The following CAMKK1 variants were observed in gnomAD, a reference collection of about 807,000 sequenced individuals.
CAMKK1 encodes calcium/calmodulin-dependent protein kinase kinase 1.
Under a neutral mutation model 63.5 loss-of-function variants are expected in CAMKK1, and 20 were observed. That is an observed-to-expected ratio of 0.32 (90% confidence interval 0.22 to 0.46). The LOEUF (loss-of-function observed/expected upper bound fraction) is 0.46, where lower values mean the gene tolerates loss of function less well. CAMKK1 is among the 20% of genes least tolerant of loss of function. The probability of loss-of-function intolerance (pLI) is 1.00; values close to 1 mark genes in which losing one functional copy is unlikely to be tolerated. For missense variants in CAMKK1, 588 were observed against 658.1 expected (o/e 0.89, Z 1.17); for synonymous variants, 253 against 269.0 (o/e 0.94, Z 0.58).
chr17:3,873,259 G>T, intron 11 of CAMKK1, 150 bp downstream of exon 11: 1 of 727,178 alleles, frequency 1.4e-6, no homozygotes, highest in Non-Finnish European at 2.4e-6. Flanking sequence ...ACCAGAGAAA[G>T]ATAGAAAAAG....
At position 3,876,236 on chromosome 17, in the gene CAMKK1, C is replaced by T; in HGVS notation, c.983G>A (p.Ser328Asn). Residue 328 changes from serine (S) to asparagine (N), a missense_variant, in exon 10 of 16, where the codon AGC (serine) becomes AAC (asparagine). By Grantham distance (46) the Ser-to-Asn change is conservative. This residue lies in a region of CAMKK1 where 226 missense variants were observed against 229.2 expected (regional missense o/e 0.99). Transcript: ENST00000348335. ...CCTGCGAGTCACCTTCCCACTGAAGCTCTGGCCGGAATCAGAAATGGCCTC... is the reference window on the plus strand; with the variant it reads ...CCTGCGAGTCACCTTCCCACTGAAGTTCTGGCCGGAATCAGAAATGGCCTC... ...APEAISDSGQ[S>N]FSGKALDVWA... The T allele has an allele frequency of 6.2e-7, 1 of 1,614,150 alleles. No individual in the cohort carries two copies. The highest frequency in any genetic ancestry group is 8.5e-7 in the Non-Finnish European group (1 of 1,180,012).
Position 3,861,948 on chromosome 17 carries a change from C to A in CAMKK1, c.*263G>T. 2.0e-6 allele frequency: 1 copy of A among 490,146 alleles called. No homozygotes were observed. Among genetic ancestry groups the A allele is most frequent in the Non-Finnish European group, 3.7e-6 (1 of 270,960 alleles). The allele number at this position is 490,146 out of a possible 1,614,324, so 30.4% of individuals were successfully genotyped here. ...GAGGCTCCATGGGCACCCGGTTTCC[C>A]CACAGAATGGGTCAGGCCAAGGAGG... On this transcript the variant is annotated 3_prime_UTR_variant, in exon 16 of 16. Coordinates refer to ENST00000348335, the MANE Select transcript of CAMKK1 (RefSeq NM_032294.3).
chr17:3,864,305 G>A (rs1201641832), intron 15 of CAMKK1, among the ~76,000 whole-genome samples: 1 of 151,684 alleles, frequency 6.6e-6, no homozygotes, highest in African/African-American at 2.4e-5. Context: ...GGAGTGCAGT[G>A]GCGTGACCTT....
In CAMKK1 at chr17:3,884,996, G is replaced by A. The variant is rs535349908; in HGVS notation, c.360+332C>T. ...GACTCTAAGAGGCAGAATTAGAGGC[G>A]AGGGGTGCAAGCTGGAGAAGAGTTA... On this transcript the variant is annotated intron_variant, in intron 2 of 15. Transcript: ENST00000348335. This position sits in a 1 kb window ranked among gnomAD's most constrained non-coding sequence, Gnocchi z 4.5. Among the ~76,000 whole-genome samples, 101 of 152,326 alleles carry A rather than the reference G, an allele frequency of 6.6e-4. No homozygotes were observed. Among genetic ancestry groups the A allele is most frequent in the African/African-American group, 2.3e-3 (94 of 41,558 alleles).
chr17:3,880,567 A>C (rs567832324), intron 8 of CAMKK1, 133 bp from the exon 9 acceptor site: 1 of 646,188 alleles, frequency 1.5e-6, no homozygotes, highest in East Asian at 2.8e-5. Flanking sequence ...TTTCTGCTAC[A>C]TAATAAAAAA....
In CAMKK1 at chr17:3,890,574, C is replaced by G; in HGVS notation, c.-44+2365G>C. 1 of 761,378 alleles carries G rather than the reference C, an allele frequency of 1.3e-6. No homozygotes were observed. Among genetic ancestry groups the G allele is most frequent in the Admixed American group, 1.7e-5 (1 of 58,216 alleles). The allele number at this position is 761,378 out of a possible 1,614,324, so 47.2% of individuals were successfully genotyped here. On this transcript the variant is annotated intron_variant, in intron 1 of 15. Transcript: ENST00000348335. This position sits in a 1 kb window ranked among gnomAD's most constrained non-coding sequence, Gnocchi z 6.5. ...TGCTCGTCCTCCTCTGTCTCCATTG[C>G]GAGACGGGTACCACACCCTCCCCAT...
rs2055852005 is a variant in CAMKK1, at chr17:3,890,394, G to A, written c.-44+2545C>T. On this transcript the variant is annotated intron_variant, in intron 1 of 15. Transcript: ENST00000348335. The surrounding 1 kb of genome is among the most constrained non-coding windows in gnomAD (Gnocchi z 6.5). ...CCTGGCCCACCCACGGAGGCTGATGGTCTCCAGGCCTCATCCTCTGCCCCT... is the reference window on the plus strand; with the variant it reads ...CCTGGCCCACCCACGGAGGCTGATGATCTCCAGGCCTCATCCTCTGCCCCT... Among the ~76,000 whole-genome samples, 1 of 152,094 alleles carries A rather than the reference G, an allele frequency of 6.6e-6. No individual in the cohort carries two copies. Among genetic ancestry groups the A allele is most frequent in the African/African-American group, 2.4e-5 (1 of 41,404 alleles).
At chr17:3,871,341 T>TTG (rs2054846379) in intron 12 of CAMKK1, among the ~76,000 whole-genome samples, 1 of 82,104 alleles carries the variant, frequency 1.2e-5, no homozygotes, top group African/African-American at 6.4e-5. Context: ...TTGTTTTTTT[T>TTG]TTTTTGTTTT....
intron 15 of CAMKK1, among the ~76,000 whole-genome samples, chr17:3,863,253 T>C (rs559259796): frequency 7.2e-5 from 11 of 152,270 alleles, no homozygotes; most frequent in African/African-American, 2.4e-4. Context: ...CCCAGCACTT[T>C]GGGAGGCTGA....
rs897632665 is a variant in CAMKK1 at position 3,892,117 on chromosome 17, C to T, written c.-44+822G>A. ...GTGTGCCCCTCCCACACTCCTGTGC[C>T]CGCCCTGCGGACACCACCAAGGCCC... On this transcript the variant is annotated intron_variant, in intron 1 of 15. Coordinates refer to ENST00000348335, the MANE Select transcript of CAMKK1 (RefSeq NM_032294.3). The surrounding 1 kb of genome is among the most constrained non-coding windows in gnomAD (Gnocchi z 7.5). Among the ~76,000 whole-genome samples, 3 of 152,046 alleles carry T rather than the reference C, an allele frequency of 2.0e-5. No homozygotes were observed. The highest frequency in any genetic ancestry group is 7.2e-5 in the African/African-American group (3 of 41,400).
At chr17:3,865,866 C>T (rs759289737) in intron 15 of CAMKK1, 42 bp downstream of exon 15, 2 of 1,612,228 alleles carry the variant, frequency 1.2e-6, no homozygotes, top group South Asian at 1.1e-5. Context: ...CCCCACCCAA[C>T]TCCAGGGAGT....
At chr17:3,888,981 G>C (rs762294411) in intron 1 of CAMKK1, among the ~76,000 whole-genome samples, 2 of 151,990 alleles carry the variant, frequency 1.3e-5, no homozygotes. Flanking sequence ...TGAAAACCTC[G>C]GTGTGATGTG....
At position 3,876,545 on chromosome 17, in the gene CAMKK1, G is replaced by A. The variant is rs554642672; in HGVS notation, c.797-123C>T. ...TCCCAGCCCATGCACACTTTCGTCTGGTGACGACCTGGGAGGAGGACGTCA... is the reference window on the plus strand; with the variant it reads ...TCCCAGCCCATGCACACTTTCGTCTAGTGACGACCTGGGAGGAGGACGTCA... On this transcript the variant is annotated intron_variant, in intron 9 of 15. Transcript: ENST00000348335. The A allele has an allele frequency of 3.8e-6, 3 of 794,054 alleles. No homozygotes were observed. The South Asian group carries it at 4.9e-5, about 13-fold the overall frequency. 49.2% of individuals were successfully genotyped at this position (794,054 alleles called of 1,614,324 possible). A position where few individuals can be genotyped will look rare whatever the true frequency, so the allele number is the denominator to read the frequency against.
chr17:3,863,429 C>T (rs753845248), intron 15 of CAMKK1, among the ~76,000 whole-genome samples: 1 of 152,298 alleles, frequency 6.6e-6, no homozygotes, highest in Non-Finnish European at 1.5e-5. Context: ...ATGTGAGAGG[C>T]GGAGACTGCA....
chr17:3,869,946 T>C (rs1489760083), intron 12 of CAMKK1, 58 bp from the exon 13 acceptor site: 2 of 1,380,242 alleles, frequency 1.4e-6, no homozygotes, highest in African/African-American at 2.8e-5. Context: ...CCCCTTCCTG[T>C]CCACCTCTCT....
rs1476350279 is a variant in CAMKK1, at chr17:3,872,439, C to T, written c.1124+115G>A. 43 of 830,490 alleles carry T rather than the reference C, an allele frequency of 5.2e-5. 1 individual carries two copies. The highest frequency in any genetic ancestry group is 4.8e-4 in the South Asian group (31 of 64,518). The allele number at this position is 830,490 out of a possible 1,614,324, so 51.4% of individuals were successfully genotyped here. A position where few individuals can be genotyped will look rare whatever the true frequency, so the allele number is the denominator to read the frequency against. On this transcript the variant is annotated intron_variant, in intron 12 of 15. Transcript: ENST00000348335. ...AGGGGTCCCTCCCAGGGAACAGCAC[C>T]GCCACCTTCATATCTGCAGGCTGGG...
intron 9 of CAMKK1, chr17:3,880,124 A>C: frequency 3.5e-6 from 2 of 574,014 alleles, no homozygotes; most frequent in East Asian, 5.7e-5. Flanking sequence ...ACAGGACCAG[A>C]CACGACGAAG....
intron 1 of CAMKK1, among the ~76,000 whole-genome samples, chr17:3,891,589 G>A (rs2055906059): frequency 6.6e-6 from 1 of 152,170 alleles, no homozygotes; most frequent in Non-Finnish European, 1.5e-5. Flanking sequence ...GGCTGACGTG[G>A]CTGGAGTGGA....
intron 12 of CAMKK1, among the ~76,000 whole-genome samples, chr17:3,871,756 G>A (rs187645657): frequency 1.4e-5 from 2 of 138,716 alleles, no homozygotes; most frequent in African/African-American, 2.9e-5. Context: ...AGCAATTCTC[G>A]TGCTTCAGCC....
Sources: allele counts gnomAD v4.1 joint callset (sites outside exome capture counted in the v4.1 genomes callset), GRCh38; gene constraint gnomAD v4.1.1; regional missense constraint gnomAD v4.1.1; non-coding constraint Gnocchi (gnomAD v3.1); transcripts MANE v1.5; gene names NCBI Gene and HGNC (gene_info 2026-07-23, HGNC 2026-07-21).